TRIM66: variants seen among roughly 807,000 people sequenced by gnomAD.
The protein encoded by TRIM66 is tripartite motif-containing protein 66.
Under a neutral mutation model 148.2 loss-of-function variants are expected in TRIM66, and 99 were observed. The ratio of observed to expected loss-of-function variants is 0.67; its 90% confidence interval spans 0.57 to 0.79. The LOEUF is 0.79. Among genes scored for constraint, TRIM66 ranks in the 30% least tolerant of loss-of-function variants. TRIM66 has a pLI of 0.00. For missense variants in TRIM66, 1,666 were observed against 1,697.9 expected (o/e 0.98, Z 0.33); for synonymous variants, 616 against 635.9 (o/e 0.97, Z 0.47).
intron 6 of TRIM66, among the ~76,000 whole-genome samples, chr11:8,660,098 T>C (rs983116647): frequency 2.6e-5 from 4 of 152,174 alleles, no homozygotes; most frequent in African/African-American, 4.8e-5. Flanking sequence ...CAGGCTGGTG[T>C]TGAACTCCTG....
intron 6 of TRIM66, 160 bp downstream of exon 6, chr11:8,671,626 T>A (rs945973401): frequency 1.5e-5 from 9 of 595,466 alleles, no homozygotes; most frequent in Non-Finnish European, 2.4e-5. Flanking sequence ...TCAAGAGGAT[T>A]CACTCTGTCT....
intron 3 of TRIM66, among the ~76,000 whole-genome samples, chr11:8,675,983 C>T (rs571541782): frequency 3.9e-5 from 6 of 152,132 alleles, no homozygotes; most frequent in Non-Finnish European, 7.4e-5. Flanking sequence ...GTGATCCACC[C>T]GCCTCAGCTT....
At chr11:8,635,093 A>G (rs2035761400) in intron 15 of TRIM66, among the ~76,000 whole-genome samples, 1 of 152,224 alleles carries the variant, frequency 6.6e-6, no homozygotes, top group Middle Eastern at 3.2e-3. Flanking sequence ...GTAAGAGGCC[A>G]AATGGAGTCC....
At chr11:8,618,578 T>C in intron 24 of TRIM66, 172 bp downstream of exon 24, 1 of 624,176 alleles carries the variant, frequency 1.6e-6, no homozygotes, top group Non-Finnish European at 2.8e-6. Flanking sequence ...CTGGCATTGA[T>C]GGGCCCTGTA....
chr11:8,621,843 G>A, intron 18 of TRIM66, 24 bp from the exon 19 acceptor site: 1 of 1,512,168 alleles, frequency 6.6e-7, no homozygotes, highest in Non-Finnish European at 8.8e-7. Flanking sequence ...GACACCCCGG[G>A]GTCTTGGTGG....
At chr11:8,658,518 CACA>C (rs1326531136) in intron 6 of TRIM66, among the ~76,000 whole-genome samples, 15 of 152,280 alleles carry the variant, frequency 9.9e-5, no homozygotes, top group Non-Finnish European at 1.9e-4. Context: ...TAGAGCTCAT[CACA>C]ACAACAGTGT....
intron 11 of TRIM66, 29 bp from the exon 12 acceptor site, chr11:8,645,916 G>C (rs1423782062): frequency 1.3e-6 from 2 of 1,549,184 alleles, no homozygotes; most frequent in South Asian, 1.2e-5. Flanking sequence ...CAGAGTCCTT[G>C]ATCCTGTTAC....
intron 15 of TRIM66, among the ~76,000 whole-genome samples, chr11:8,633,479 C>G (rs928100495): frequency 6.6e-6 from 1 of 152,218 alleles, no homozygotes; most frequent in Admixed American, 6.6e-5. Flanking sequence ...CAGGATAGAA[C>G]TAAGGAGACA....
intron 6 of TRIM66, among the ~76,000 whole-genome samples, chr11:8,663,458 T>C (rs2038392841): frequency 6.6e-6 from 1 of 152,120 alleles, no homozygotes; most frequent in Non-Finnish European, 1.5e-5. Context: ...CAATAACTAA[T>C]AATAAAATAG....
intron 15 of TRIM66, among the ~76,000 whole-genome samples, chr11:8,638,248 C>T (rs1196199994): frequency 2.0e-5 from 3 of 152,204 alleles, no homozygotes; most frequent in East Asian, 1.9e-4. Context: ...TCAGCTCTCT[C>T]GTCTACTAGC....
At position 8,613,566 on chromosome 11, in the gene TRIM66, ATGC is replaced by A. The variant is rs1294076196; in HGVS notation, c.*4375_*4377del. 6.6e-6 allele frequency: 1 copy of A among 152,238 alleles called. No individual in the cohort carries two copies. Among genetic ancestry groups the A allele is most frequent in the African/African-American group, 2.4e-5 (1 of 41,446 alleles). 9.4% of individuals were successfully genotyped at this position (152,238 alleles called of 1,614,324 possible). A position where few individuals can be genotyped will look rare whatever the true frequency, so the allele number is the denominator to read the frequency against. Reference sequence around the variant, plus strand: ...TGTAAGGGGTAACAGACTCTGAGAAATGCTGTTTTAATCTTGTGGAGAACTTGT... The same window carrying A: ...TGTAAGGGGTAACAGACTCTGAGAAATGTTTTAATCTTGTGGAGAACTTGT... On this transcript the variant is annotated 3_prime_UTR_variant, in exon 25 of 25. Transcript: ENST00000646038.
At chr11:8,681,538 G>T (rs892066646) in intron 1 of TRIM66, among the ~76,000 whole-genome samples, 89 of 152,162 alleles carry the variant, frequency 5.8e-4, no homozygotes, top group African/African-American at 2.1e-3. Context: ...TAACTGAGGG[G>T]ATGGGATTTT....
At chr11:8,667,219 T>G (rs552129574) in intron 6 of TRIM66, among the ~76,000 whole-genome samples, 48 of 152,202 alleles carry the variant, frequency 3.2e-4, no homozygotes, top group African/African-American at 1.2e-3. Flanking sequence ...ATCAAAGACC[T>G]GAACTTAAGA....
chr11:8,638,874 C>T lies in TRIM66; in HGVS notation c.2149-59G>A, dbSNP rs557367367. 242 of 1,507,792 alleles carry T rather than the reference C, an allele frequency of 1.6e-4. 5 individuals are homozygous for T. The South Asian group carries it at 2.3e-3, about 15-fold the overall frequency. The allele number at this position is 1,507,792 out of a possible 1,614,324, so 93.4% of individuals were successfully genotyped here. A position where few individuals can be genotyped will look rare whatever the true frequency, so the allele number is the denominator to read the frequency against. On this transcript the variant is annotated intron_variant, in intron 14 of 24. Transcript: ENST00000646038. ...ACTGCAGACAGCGTAGCAGCAGCAG[C>T]AGTGGCAGCAAAGGCTAGTGCTCAC...
chr11:8,659,529 ATCTCATGTTATCTATACCTTCCTT>A (rs2038102910), intron 6 of TRIM66, among the ~76,000 whole-genome samples: 1 of 152,082 alleles, frequency 6.6e-6, no homozygotes, highest in Non-Finnish European at 1.5e-5. Flanking sequence ...CAGTGGCCAA[ATCTCATGTTATCTATACCTTCCTT>A]TCTCTGGCAT....
Position 8,620,141 on chromosome 11 carries a change from G to A in TRIM66, c.3673-17C>T. The stretch of plus-strand genomic sequence containing the variant: ...CTCACACTTCTGCAAAATCAGAATT[G>A]GCAACAGAGTCACTTTGTTCTGGTC... On this transcript the variant is annotated splice_polypyrimidine_tract_variant and intron_variant, in intron 21 of 24. Coordinates refer to ENST00000646038, the MANE Select transcript of TRIM66 (RefSeq NM_001388022.1). The A allele has an allele frequency of 6.4e-7, 1 of 1,550,640 alleles. No individual in the cohort carries two copies. Among genetic ancestry groups the A allele is most frequent in the Middle Eastern group, 1.7e-4 (1 of 5,986 alleles).
chr11:8,670,017 A>ATTT (rs534807233), intron 6 of TRIM66, among the ~76,000 whole-genome samples: 10 of 141,648 alleles, frequency 7.1e-5, no homozygotes, highest in African/African-American at 2.1e-4. Flanking sequence ...GTTTTTATTT[A>ATTT]TTTTTTTTTT....
intron 3 of TRIM66, among the ~76,000 whole-genome samples, chr11:8,676,524 T>A (rs1592218368): frequency 1.3e-5 from 2 of 152,008 alleles, no homozygotes; most frequent in Non-Finnish European, 1.5e-5. Context: ...TTCAGGGAGG[T>A]AGCATGGCTT....
Position 8,640,719 on chromosome 11 carries a change from A to C in TRIM66, c.1656T>G (p.Thr552=). The change falls in exon 14 of 25, where the codon ACT becomes ACG. Residue 552 remains threonine (T), a synonymous_variant. Transcript: ENST00000646038. The stretch of plus-strand genomic sequence containing the variant: ...GGGGGACAATGCACACGGGCTGGGA[A>C]GTCAGCTGCTGCCCCAGCCGCTGGG... ...STSQRLGQQL[T]SQPVCIVPPQ... is the part of the protein sequence containing the mutation. 6.4e-7 allele frequency: 1 copy of C among 1,551,506 alleles called. No individual in the cohort carries two copies. The highest frequency in any genetic ancestry group is 1.2e-5 in the South Asian group (1 of 84,046).
Sources: gnomAD v4.1 joint callset for allele counts (sites outside exome capture counted in the v4.1 genomes callset) on GRCh38, gnomAD v4.1.1 for gene constraint, MANE v1.5 for transcripts, NCBI Gene and HGNC (gene_info 2026-07-23, HGNC 2026-07-21) for gene names.